FOXN3: variants seen among roughly 807,000 people sequenced by gnomAD.
FOXN3 encodes the protein forkhead box N3.
FOXN3 carries 7 observed loss-of-function variants against 38.4 expected under a neutral mutation model. That is an observed-to-expected ratio of 0.18 (90% CI 0.10 to 0.34). The LOEUF is 0.34. FOXN3 is among the 10% of genes least tolerant of loss of function. The pLI, the probability that FOXN3 is intolerant of heterozygous loss-of-function variation, is 1.00. For synonymous variants in FOXN3, 230 were observed against 242.2 expected (o/e 0.95, Z 0.47); for missense variants, 456 against 613.4 (o/e 0.74, Z 2.71).
intron 1 of FOXN3, among the ~76,000 whole-genome samples, chr14:89,460,154 G>A (rs757571491): frequency 6.6e-6 from 1 of 152,166 alleles, no homozygotes; most frequent in Non-Finnish European, 1.5e-5. Flanking sequence ...AAAAGACAAG[G>A]ACATCCTAGT....
intron 3 of FOXN3, among the ~76,000 whole-genome samples, chr14:89,307,860 C>T (rs893197487): frequency 6.6e-6 from 1 of 152,108 alleles, no homozygotes; most frequent in East Asian, 1.9e-4. Flanking sequence ...CAATGTGTGC[C>T]CGATATAGGT....
At chr14:89,278,171 A>C (rs7149191) in intron 4 of FOXN3, among the ~76,000 whole-genome samples, 6 of 151,928 alleles carry the variant, frequency 3.9e-5, no homozygotes, top group African/African-American at 1.5e-4. Flanking sequence ...ACGTGGCTGG[A>C]GAGGCCTCAC....
chr14:89,326,499 G>C (rs1888085874), intron 3 of FOXN3, among the ~76,000 whole-genome samples: 1 of 152,182 alleles, frequency 6.6e-6, no homozygotes, highest in Non-Finnish European at 1.5e-5. Flanking sequence ...AAGTCATCAA[G>C]AGTGGTGCAC....
chr14:89,423,235 T>C (rs554084111), intron 1 of FOXN3, among the ~76,000 whole-genome samples: 52 of 152,310 alleles, frequency 3.4e-4, no homozygotes, highest in African/African-American at 1.1e-3. Context: ...AGACACAGAC[T>C]AGGTTCGTAC....
Position 89,588,064 on chromosome 14 carries a change from G to A in FOXN3, c.-15+30964C>T, listed in dbSNP as rs141871784. 9.3e-3 allele frequency among the ~76,000 whole-genome samples: 1,419 copies of A among 152,116 alleles called. 19 individuals are homozygous for A. Among genetic ancestry groups the A allele is most frequent in the African/African-American group, 0.032 (1,322 of 41,492 alleles). The stretch of plus-strand genomic sequence containing the variant: ...TGGGAGGTGACTGGATCATGGGGAT[G>A]GATTTCTCATGAAAGGTTTAGCACC... On this transcript the variant is annotated intron_variant, in intron 1 of 6. Coordinates refer to the FOXN3 transcript ENST00000345097.
chr14:89,468,183 G>A (rs997121341), intron 1 of FOXN3, among the ~76,000 whole-genome samples: 3 of 151,868 alleles, frequency 2.0e-5, no homozygotes, highest in African/African-American at 7.3e-5. Flanking sequence ...GCTGGGCCCA[G>A]TGACTCACTT....
intron 1 of FOXN3, among the ~76,000 whole-genome samples, chr14:89,446,187 TTTTTTTTTC>T (rs1892493273): frequency 1.3e-5 from 1 of 76,382 alleles, no homozygotes; most frequent in African/African-American, 5.0e-5. Context: ...CTTTTTTTTT[TTTTTTTTTC>T]TTTTTTTTTT....
At chr14:89,221,973 C>T (rs1884480470) in intron 4 of FOXN3, among the ~76,000 whole-genome samples, 2 of 152,330 alleles carry the variant, frequency 1.3e-5, no homozygotes, top group East Asian at 1.9e-4. Flanking sequence ...CAGGCGCCCG[C>T]CACGGCGCCC....
intron 3 of FOXN3, among the ~76,000 whole-genome samples, chr14:89,311,620 G>A (rs988672298): frequency 4.0e-5 from 6 of 151,440 alleles, no homozygotes; most frequent in East Asian, 2.0e-4. Flanking sequence ...AGATCAGGAG[G>A]TCAAGACCAT....
chr14:89,210,761 A>T (rs148314290), intron 4 of FOXN3, among the ~76,000 whole-genome samples: 1 of 152,374 alleles, frequency 6.6e-6, no homozygotes, highest in African/African-American at 2.4e-5. Context: ...GGTTAAAAAC[A>T]GAGGTGCTAT....
intron 4 of FOXN3, among the ~76,000 whole-genome samples, chr14:89,190,121 C>A (rs1566925033): frequency 1.3e-5 from 2 of 152,252 alleles, no homozygotes; most frequent in Non-Finnish European, 2.9e-5. Context: ...ATTAAAGGAT[C>A]TGTTTCCCTT....
At chr14:89,303,206 T>C (rs1307644276) in intron 3 of FOXN3, among the ~76,000 whole-genome samples, 2 of 152,130 alleles carry the variant, frequency 1.3e-5, no homozygotes, top group Admixed American at 1.3e-4. Flanking sequence ...GCCTTTGACC[T>C]CTGTCATTGC....
intron 2 of FOXN3, among the ~76,000 whole-genome samples, chr14:89,354,606 G>A (rs1296799345): frequency 3.3e-5 from 5 of 149,732 alleles, no homozygotes; most frequent in Non-Finnish European, 5.9e-5. Context: ...TGTAATCCCA[G>A]CACTTTGGGA....
At chr14:89,375,407 A>C (rs72701698) in intron 2 of FOXN3, among the ~76,000 whole-genome samples, 24,960 of 152,148 alleles carry the variant, frequency 0.16, 2,085 homozygotes, top group Non-Finnish European at 0.19. Context: ...CCAGAAAAAA[A>C]ACTCTTTCAT....
chr14:89,218,124 T>C (rs1174787833), intron 4 of FOXN3, among the ~76,000 whole-genome samples: 3 of 152,208 alleles, frequency 2.0e-5, no homozygotes, highest in African/African-American at 7.2e-5. Context: ...CACTGCTGGT[T>C]ACAAAGCCCT....
intron 2 of FOXN3, among the ~76,000 whole-genome samples, chr14:89,362,557 T>A (rs867089713): frequency 4.2e-3 from 1 of 240 alleles, no homozygotes. Flanking sequence ...CACCACCACC[T>A]CCACCACCAC....
intron 1 of FOXN3, among the ~76,000 whole-genome samples, chr14:89,536,309 T>C (rs1243916343): frequency 3.9e-5 from 6 of 152,168 alleles, no homozygotes; most frequent in African/African-American, 1.4e-4. Flanking sequence ...ATGTAAGTAA[T>C]AGCAATAATG....
At chr14:89,613,554 C>T (rs1896437376) in intron 1 of FOXN3, among the ~76,000 whole-genome samples, 1 of 152,178 alleles carries the variant, frequency 6.6e-6, no homozygotes, top group African/African-American at 2.4e-5. Context: ...ATCATTTCAT[C>T]GTTACCACAG....
intron 2 of FOXN3, among the ~76,000 whole-genome samples, chr14:89,389,712 G>A (rs888439140): frequency 6.6e-6 from 1 of 152,152 alleles, no homozygotes; most frequent in African/African-American, 2.4e-5. Flanking sequence ...TTGATGTGTA[G>A]GTGGCCAAAT....
Sources: gnomAD v4.1 joint callset for allele counts (sites outside exome capture counted in the v4.1 genomes callset) on GRCh38, gnomAD v4.1.1 for gene constraint, MANE v1.5 for transcripts, NCBI Gene and HGNC (gene_info 2026-07-23, HGNC 2026-07-21) for gene names.